Variants in CEP72 observed in about 807,000 individuals in gnomAD.
CEP72 encodes centrosomal protein of 72 kDa.
A neutral mutation model predicts 65.7 loss-of-function variants in CEP72; 78 were observed. That is an observed-to-expected ratio of 1.19 (90% CI 0.99 to 1.43). The LOEUF (loss-of-function observed/expected upper bound fraction) is 1.43, where lower values mean the gene tolerates loss of function less well. Among genes scored for constraint, CEP72 ranks in the 40% most tolerant of loss-of-function variants. The pLI, the probability that CEP72 is intolerant of heterozygous loss-of-function variation, is 0.00. For synonymous variants in CEP72, 358 were observed against 351.7 expected (o/e 1.02, Z -0.20); for missense variants, 914 against 832.9 (o/e 1.10, Z -1.20).
At chr5:635,960 C>T (rs1396854532) in intron 6 of CEP72, among the ~76,000 whole-genome samples, 1 of 152,010 alleles carries the variant, frequency 6.6e-6, no homozygotes, top group African/African-American at 2.4e-5. Flanking sequence ...CCAGACTCAT[C>T]CTTTATCAGG....
chr5:622,663 G>A (rs933018838), intron 3 of CEP72, among the ~76,000 whole-genome samples: 2 of 152,228 alleles, frequency 1.3e-5, no homozygotes, highest in African/African-American at 2.4e-5. Flanking sequence ...GGGAGCATGC[G>A]GCGTGCATGC....
chr5:621,875 G>A (rs547077427), intron 3 of CEP72, among the ~76,000 whole-genome samples: 23 of 152,234 alleles, frequency 1.5e-4, no homozygotes, highest in Non-Finnish European at 2.5e-4. Context: ...CCGGGTTCAA[G>A]CAATACTCCT....
rs886969295 is a variant in CEP72 at position 645,365 on chromosome 5, T to C, written c.1666+940T>C. 6.6e-6 allele frequency among the ~76,000 whole-genome samples: 1 copy of C among 152,168 alleles called. No individual in the cohort carries two copies. ...CTTCTTTTTTATTTATAAATTTTGC[T>C]TTTCTATCTTCTGTTTCTTTAAGAT... On this transcript the variant is annotated intron_variant, in intron 10 of 11. Coordinates refer to ENST00000264935, the MANE Select transcript of CEP72 (RefSeq NM_018140.4). This position sits in a 1 kb window ranked among gnomAD's most constrained non-coding sequence, Gnocchi z 4.0.
chr5:637,437 T>A (rs1343520324), intron 6 of CEP72, 80 bp from the exon 7 acceptor site: 1 of 1,286,488 alleles, frequency 7.8e-7, no homozygotes, highest in African/African-American at 1.5e-5. Flanking sequence ...GGCACACACA[T>A]GCCTTTTAAA....
chr5:646,718 G>A (rs1406848121), intron 10 of CEP72, among the ~76,000 whole-genome samples: 3 of 152,244 alleles, frequency 2.0e-5, no homozygotes, highest in Non-Finnish European at 2.9e-5. Flanking sequence ...GAGGGGCAGG[G>A]CCGTGGTTCC....
At chr5:628,885 TGCCGTC>T (rs1737000592) in intron 4 of CEP72, among the ~76,000 whole-genome samples, 4 of 104,052 alleles carry the variant, frequency 3.8e-5, no homozygotes, top group African/African-American at 1.8e-4. Context: ...GAACTCAGGT[TGCCGTC>T]CCTGGGGAGT....
intron 5 of CEP72, among the ~76,000 whole-genome samples, chr5:634,190 G>C (rs1040495626): frequency 6.6e-6 from 1 of 152,224 alleles, no homozygotes; most frequent in Non-Finnish European, 1.5e-5. Flanking sequence ...ATCCTTCTGA[G>C]ATCACAGGAA....
At chr5:674,800 G>C in the CEP72 span, among the ~76,000 whole-genome samples, 1 of 151,762 alleles carries the variant, frequency 6.6e-6, no homozygotes, top group Non-Finnish European at 1.5e-5. Flanking sequence ...CAGTGGGCTG[G>C]TCTGTCCTCC....
downstream of CEP72, among the ~76,000 whole-genome samples, chr5:668,777 C>T (rs1325977687): frequency 6.6e-6 from 1 of 152,254 alleles, no homozygotes; most frequent in African/African-American, 2.4e-5. Flanking sequence ...CCAAACAATC[C>T]AGTGCCCTTC....
intron 1 of CEP72, among the ~76,000 whole-genome samples, chr5:617,705 A>G (rs935118294): frequency 2.6e-5 from 4 of 152,162 alleles, no homozygotes. Flanking sequence ...GAAACAGGGA[A>G]ACGTGGGGTT....
At chr5:641,402 C>G in intron 9 of CEP72, 4 of 985,452 alleles carry the variant, frequency 4.1e-6, no homozygotes, top group Non-Finnish European at 4.8e-6. Flanking sequence ...CTTTAAATTG[C>G]GAGTGAAGTC....
At chr5:665,946 G>T in exon 4 of CEP72, 11 of 206,412 alleles carry the variant, frequency 5.3e-5, no homozygotes, top group Non-Finnish European at 7.9e-5. Context: ...TCCAGGCCCC[G>T]CCTTCCATCC....
intron 1 of CEP72, chr5:663,258 T>C (rs1739751452): frequency 6.6e-6 from 1 of 152,364 alleles, no homozygotes; most frequent in South Asian, 2.1e-4. Context: ...TTCAAATGTT[T>C]CCGCACGTTA....
chr5:646,821 C>T (rs541538581), intron 10 of CEP72, among the ~76,000 whole-genome samples: 87 of 152,328 alleles, frequency 5.7e-4, no homozygotes, highest in Non-Finnish European at 1.1e-3. Flanking sequence ...TGACGGCTGC[C>T]TCACTCCCGC....
At chr5:665,225 G>C in exon 3 of CEP72, 14 of 1,613,886 alleles carry the variant, frequency 8.7e-6, no homozygotes, top group Non-Finnish European at 1.2e-5. Flanking sequence ...AGGGGTCGAA[G>C]CGCTCCTTGT....
chr5:669,510 G>A (rs762995329), downstream of CEP72, among the ~76,000 whole-genome samples: 29 of 152,178 alleles, frequency 1.9e-4, no homozygotes, highest in Non-Finnish European at 2.9e-4. Flanking sequence ...GTCCTGGGCC[G>A]TCAAAGGCTC....
In CEP72 at chr5:642,385, G is replaced by A; in HGVS notation, c.1539+1781G>A. ...GAAGCCTCTATATTTAAACACGTGT[G>A]GCCCCCCGTCTGGAAGCCTTTATAC... On this transcript the variant is annotated intron_variant, in intron 9 of 11. Coordinates refer to ENST00000264935, the MANE Select transcript of CEP72 (RefSeq NM_018140.4). The A allele has an allele frequency of 3.0e-6, 3 of 985,434 alleles. No individual in the cohort carries two copies. The South Asian group carries it at 1.4e-4, about 46-fold the overall frequency. 61.0% of individuals were successfully genotyped at this position (985,434 alleles called of 1,614,324 possible).
At chr5:633,688 G>T in intron 4 of CEP72, 81 bp from the exon 5 acceptor site, 2 of 1,382,682 alleles carry the variant, frequency 1.4e-6, no homozygotes, top group Non-Finnish European at 2.0e-6. Context: ...GACCGTGCAG[G>T]AATTTTCCTT....
At chr5:638,558 TG>T (rs1737777973) in intron 7 of CEP72, among the ~76,000 whole-genome samples, 1 of 125,198 alleles carries the variant, frequency 8.0e-6, no homozygotes, top group Non-Finnish European at 1.7e-5. Context: ...CGTAGCAGCA[TG>T]GGGTGGGGGG....
Sources: gnomAD v4.1 joint callset for allele counts (sites outside exome capture counted in the v4.1 genomes callset) on GRCh38, gnomAD v4.1.1 for gene constraint, Gnocchi (gnomAD v3.1) non-coding constraint, MANE v1.5 for transcripts, NCBI Gene and HGNC (gene_info 2026-07-23, HGNC 2026-07-21) for gene names.